The following ARID1A variants were observed in gnomAD, a reference collection of about 807,000 sequenced individuals.
ARID1A encodes AT-rich interaction domain 1A, also known as AT-rich interactive domain-containing protein 1A.
In ARID1A, 20 loss-of-function variants were observed where a neutral mutation model predicts 212.6. The ratio of observed to expected loss-of-function variants is 0.09; its 90% CI spans 0.07 to 0.14. The LOEUF (loss-of-function observed/expected upper bound fraction) is 0.14. ARID1A is among the 10% of genes least tolerant of loss of function. The pLI is 1.00. For synonymous variants in ARID1A, 1,376 were observed against 1,222.1 expected (o/e 1.13, Z -2.63); for missense variants, 2,587 against 3,059.0 (o/e 0.85, Z 3.64).
In ARID1A at chr1:26,696,927, GACA is replaced by G; in HGVS notation, c.529_531del (p.Gln177del). Reference sequence around the variant, plus strand: ...GCCGTCTTCCACCAACAACATGGCGGACAACAAAGCCCTGGCCTGGCAGCGCTG... The same window carrying G: ...GCCGTCTTCCACCAACAACATGGCGGACAAAGCCCTGGCCTGGCAGCGCTG... On this transcript the variant is annotated inframe_deletion, in exon 1 of 20. Transcript: ENST00000324856. 1.4e-6 allele frequency: 2 copies of G among 1,427,530 alleles called. No homozygotes were observed. The allele number at this position is 1,427,530 out of a possible 1,614,324, so 88.4% of individuals were successfully genotyped here. A position where few individuals can be genotyped will look rare whatever the true frequency, so the allele number is the denominator to read the frequency against.
chr1:26,705,705 T>G (rs2080385531), intron 1 of ARID1A, among the ~76,000 whole-genome samples: 1 of 152,210 alleles, frequency 6.6e-6, no homozygotes, highest in African/African-American at 2.4e-5. Context: ...TTAGTAGCCT[T>G]GAGTATTCTT....
At chr1:26,712,137 A>G (rs2080460615) in intron 1 of ARID1A, among the ~76,000 whole-genome samples, 1 of 152,162 alleles carries the variant, frequency 6.6e-6, no homozygotes, top group African/African-American at 2.4e-5. Context: ...TGGCCAATAC[A>G]GTACACTTTT....
intron 1 of ARID1A, among the ~76,000 whole-genome samples, chr1:26,698,366 T>C (rs1041581170): frequency 1.3e-5 from 2 of 152,216 alleles, no homozygotes; most frequent in African/African-American, 4.8e-5. Flanking sequence ...TCATAAACTT[T>C]TACACTCTGC....
chr1:26,743,392 G>A (rs558817133), intron 4 of ARID1A, among the ~76,000 whole-genome samples: 1 of 152,156 alleles, frequency 6.6e-6, no homozygotes, highest in East Asian at 1.9e-4. Context: ...TCTGACATCT[G>A]TCATGTTGTG....
In ARID1A at chr1:26,696,656, G is replaced by A; in HGVS notation, c.253G>A (p.Gly85Ser). 1.5e-6 allele frequency: 2 copies of A among 1,315,302 alleles called. No individual in the cohort carries two copies. Among genetic ancestry groups the A allele is most frequent in the Non-Finnish European group, 9.7e-7 (1 of 1,036,014 alleles). The allele number at this position is 1,315,302 out of a possible 1,614,324, so 81.5% of individuals were successfully genotyped here. A position where few individuals can be genotyped will look rare whatever the true frequency, so the allele number is the denominator to read the frequency against. ...GGCCGAGAGCAATGGGGGTGGCGGC[G>A]GCGGCGGAGCCGGCAGCGGCGGCGG... ...DGAESNGGGG[G>S]GGAGSGGGPG... is the part of the protein sequence containing the mutation. The change falls in exon 1 of 20, where the codon GGC becomes AGC. Residue 85 changes from glycine (G) to serine (S), a missense_variant. By Grantham distance (56) the Gly-to-Ser change is moderately conservative. Coordinates refer to ENST00000324856, the MANE Select transcript of ARID1A (RefSeq NM_006015.6).
At chr1:26,713,359 T>G (rs996668087) in intron 1 of ARID1A, among the ~76,000 whole-genome samples, 13 of 151,490 alleles carry the variant, frequency 8.6e-5, no homozygotes, top group African/African-American at 2.9e-4. Context: ...TGGTGAAGAT[T>G]GATTTTTTTT....
intron 1 of ARID1A, among the ~76,000 whole-genome samples, chr1:26,699,993 T>G (rs2080317043): frequency 6.6e-6 from 1 of 152,204 alleles, no homozygotes; most frequent in South Asian, 2.1e-4. Flanking sequence ...AATTTTCTGA[T>G]CTCTTTTATT....
At chr1:26,741,711 C>T (rs4970481) in intron 4 of ARID1A, among the ~76,000 whole-genome samples, 106,036 of 152,134 alleles carry the variant, frequency 0.7, 37,986 homozygotes, top group East Asian at 1. Context: ...TGAATGTTAT[C>T]GATATCAGGA....
Position 26,766,238 on chromosome 1 carries a change from A to G in ARID1A, c.2750A>G (p.Asn917Ser), listed in dbSNP as rs143404119. The G allele has an allele frequency of 7.4e-6, 12 of 1,613,672 alleles. No homozygotes were observed. The highest frequency in any genetic ancestry group is 4.0e-5 in the African/African-American group (3 of 74,868). ...SIQNRPPGYPNMNQGGMMGTG... is the reference protein window; with the variant it reads ...SIQNRPPGYPSMNQGGMMGTG... ...TTCCTTAGGCCGCCAGGCTACCCCA[A>G]TATGAATCAAGGGGGCATGATGGGA... The change falls in exon 9 of 20, where the codon AAT (asparagine) becomes AGT (serine). Residue 917 changes from asparagine to serine, a missense_variant. Asn to Ser is a conservative substitution (Grantham distance 46). Coordinates refer to ENST00000324856, the MANE Select transcript of ARID1A (RefSeq NM_006015.6).
At chr1:26,766,159 G>C (rs2081037528) in intron 8 of ARID1A, 62 bp from the exon 9 acceptor site, 2 of 1,561,442 alleles carry the variant, frequency 1.3e-6, no homozygotes, top group East Asian at 2.2e-5. Context: ...TTTGGCTCCA[G>C]TTCAAATCTA....
chr1:26,717,455 A>G (rs1054715413), intron 1 of ARID1A, among the ~76,000 whole-genome samples: 3 of 152,250 alleles, frequency 2.0e-5, no homozygotes, highest in Admixed American at 6.5e-5. Flanking sequence ...GTGTGAAACT[A>G]TACTTTTTTT....
chr1:26,752,534 CAA>C (rs1471265066), intron 4 of ARID1A, among the ~76,000 whole-genome samples: 4 of 152,182 alleles, frequency 2.6e-5, no homozygotes, highest in African/African-American at 9.7e-5. Flanking sequence ...TATGAAAAGC[CAA>C]GTCTCCCAAA....
At chr1:26,755,330 G>A (rs1264924021) in intron 4 of ARID1A, among the ~76,000 whole-genome samples, 1 of 152,238 alleles carries the variant, frequency 6.6e-6, no homozygotes, top group Non-Finnish European at 1.5e-5. Context: ...TAATGAAAAT[G>A]ACAGTTTGAG....
rs2124788170 is a variant in ARID1A, at chr1:26,731,223, A to G, written c.1422A>G (p.Gln474=). The part of the protein sequence containing the change: ...QQGQTPYYNQ[Q]SPHPQQQQPP... ...GCCAGACTCCATATTACAACCAGCAAAGTCCTCACCCTCAGCAGCAGCAGC... is the reference window on the plus strand; with the variant it reads ...GCCAGACTCCATATTACAACCAGCAGAGTCCTCACCCTCAGCAGCAGCAGC... The change falls in exon 3 of 20, where the codon CAA becomes CAG. Residue 474 remains glutamine, a synonymous_variant. Coordinates refer to ENST00000324856, the MANE Select transcript of ARID1A (RefSeq NM_006015.6). The G allele has an allele frequency of 6.2e-7, 1 of 1,613,896 alleles. No individual in the cohort carries two copies. The highest frequency in any genetic ancestry group is 2.2e-5 in the East Asian group (1 of 44,878).
chr1:26,725,431 C>T (rs1431339801), intron 1 of ARID1A, among the ~76,000 whole-genome samples: 1 of 152,156 alleles, frequency 6.6e-6, no homozygotes, highest in East Asian at 1.9e-4. Flanking sequence ...AGTTATGTCC[C>T]TGCTCACCTC....
In ARID1A at chr1:26,780,774, C is replaced by T. The variant is rs755516865; in HGVS notation, c.*18C>T. 29 of 1,540,600 alleles carry T rather than the reference C, an allele frequency of 1.9e-5. No individual in the cohort carries two copies. The highest frequency in any genetic ancestry group is 2.4e-5 in the Non-Finnish European group (28 of 1,143,062). ...AGTCATGACAGCCGTGGGACACCTCCCCCCCCCGTGTGTGTGTGCGTGTGT... is the reference window on the plus strand; with the variant it reads ...AGTCATGACAGCCGTGGGACACCTCTCCCCCCCGTGTGTGTGTGCGTGTGT... On this transcript the variant is annotated 3_prime_UTR_variant, in exon 20 of 20. Coordinates refer to ENST00000324856, the MANE Select transcript of ARID1A (RefSeq NM_006015.6). The surrounding 1 kb of genome is among the most constrained non-coding windows in gnomAD (Gnocchi z 7.2).
Position 26,763,161 on chromosome 1 carries a change from C to G in ARID1A, c.2608C>G (p.Pro870Ala), listed in dbSNP as rs1429470721. The G allele has an allele frequency of 6.2e-7, 1 of 1,614,264 alleles. No homozygotes were observed. Among genetic ancestry groups the G allele is most frequent in the South Asian group, 1.1e-5 (1 of 91,090 alleles). Residue 870 changes from proline (P) to alanine (A), a missense_variant, in exon 8 of 20, where the codon CCT becomes GCT. Pro to Ala is a conservative substitution (Grantham distance 27). This residue lies in a region of ARID1A where 674 missense variants were observed against 813.4 expected (regional missense o/e 0.83). Coordinates refer to ENST00000324856, the MANE Select transcript of ARID1A (RefSeq NM_006015.6). ...CTCCATGGGCAACCGGCCTTATGGC[C>G]CTAACATGGCCAATATGCCACCTCA... is the stretch of plus-strand genomic sequence containing the variant. Reference protein sequence around the residue: ...HASMGNRPYGPNMANMPPQVG... With the variant: ...HASMGNRPYGANMANMPPQVG...
chr1:26,773,324 C>G (rs1178370174), intron 14 of ARID1A, 22 bp from the exon 15 acceptor site: 2 of 1,549,276 alleles, frequency 1.3e-6, no homozygotes, highest in Non-Finnish European at 1.7e-6. Flanking sequence ...AGTTTGTTCA[C>G]CGCTTGCCTT....
Position 26,761,063 on chromosome 1 carries a change from C to T in ARID1A, c.2128C>T (p.Arg710Cys), listed in dbSNP as rs935971471. The T allele has an allele frequency of 4.3e-6, 7 of 1,614,140 alleles. No individual in the cohort carries two copies. Among genetic ancestry groups the T allele is most frequent in the East Asian group, 2.2e-5 (1 of 44,880 alleles). Reference protein sequence around the residue: ...VGSPASVAQSRSGPLSPAAVP... With the variant: ...VGSPASVAQSCSGPLSPAAVP... Reference sequence around the variant, plus strand: ...CTCTCCCGCCAGTGTTGCTCAGTCTCGCTCAGGACCACTCTCGCCTGCTGC... The same window carrying T: ...CTCTCCCGCCAGTGTTGCTCAGTCTTGCTCAGGACCACTCTCGCCTGCTGC... Residue 710 changes from arginine to cysteine, a missense_variant, in exon 5 of 20, where the codon CGC becomes TGC. By Grantham distance (180) the Arg-to-Cys change is radical. Around this residue, in one of 11 missense-constraint regions of ARID1A, gnomAD observed 674 missense variants for 813.4 expected, o/e 0.83. Transcript: ENST00000324856.
Sources: allele counts gnomAD v4.1 joint callset (sites outside exome capture counted in the v4.1 genomes callset), GRCh38; gene constraint gnomAD v4.1.1; regional missense constraint gnomAD v4.1.1; non-coding constraint Gnocchi (gnomAD v3.1); transcripts MANE v1.5; gene names NCBI Gene and HGNC (gene_info 2026-07-23, HGNC 2026-07-21).